The following VWA5B2 variants were observed in gnomAD, a reference collection of about 807,000 sequenced individuals.
VWA5B2 encodes the protein von Willebrand factor A domain-containing protein 5B2.
Under a neutral mutation model 118.5 loss-of-function variants are expected in VWA5B2, and 93 were observed. The observed-to-expected ratio is 0.79, with a 90% CI of 0.66 to 0.93. The LOEUF is 0.93. Among genes scored for constraint, VWA5B2 ranks in the 40% least tolerant of loss-of-function variants. The probability of loss-of-function intolerance (pLI) is 0.00; values close to 1 mark genes in which losing one functional copy is unlikely to be tolerated. For missense variants in VWA5B2, 1,546 were observed against 1,672.8 expected (o/e 0.92, Z 1.32); for synonymous variants, 708 against 716.3 (o/e 0.99, Z 0.19).
In VWA5B2 at chr3:184,235,313, GT is replaced by G. The variant is rs1253155157; in HGVS notation, c.1101+6del. 7.1e-6 allele frequency: 11 copies of G among 1,551,218 alleles called. No homozygotes were observed. The highest frequency in any genetic ancestry group is 9.6e-6 in the Non-Finnish European group (11 of 1,146,816). Reference sequence around the variant, plus strand: ...AGCAGCAGCGTGGCACACAAGGCCCGTGGGGGTGTGGTGTGGGCAGGCCTGG... The same window carrying G: ...AGCAGCAGCGTGGCACACAAGGCCCGGGGGGTGTGGTGTGGGCAGGCCTGG... On this transcript the variant is annotated splice_donor_region_variant and intron_variant, in intron 8 of 19. Coordinates refer to ENST00000691901, the MANE Select transcript of VWA5B2 (RefSeq NM_001390846.1).
In VWA5B2 at chr3:184,242,208, T is replaced by G. The variant is rs1462818177; in HGVS notation, c.*170T>G. 1.0e-5 allele frequency: 9 copies of G among 868,594 alleles called. No homozygotes were observed. Among genetic ancestry groups the G allele is most frequent in the African/African-American group, 1.7e-5 (1 of 59,768 alleles). The allele number at this position is 868,594 out of a possible 1,614,324, so 53.8% of individuals were successfully genotyped here. A position where few individuals can be genotyped will look rare whatever the true frequency, so the allele number is the denominator to read the frequency against. On this transcript the variant is annotated 3_prime_UTR_variant, in exon 20 of 20. Coordinates refer to ENST00000691901, the MANE Select transcript of VWA5B2 (RefSeq NM_001390846.1). ...TGCCCCCACAAAAAGTGCCTGCCTGTGCTCTCTCCCTCTCCTCCCACCCCA... is the reference window on the plus strand; with the variant it reads ...TGCCCCCACAAAAAGTGCCTGCCTGGGCTCTCTCCCTCTCCTCCCACCCCA...
rs1381531398 is a variant in VWA5B2, at chr3:184,236,161, G to T, written c.1111G>T (p.Val371Phe). ...SSSVAHKDAI[V>F]LAVKSLPPQT... ...CCCTGGCCCTCCACAGGATGCCATT[G>T]TTTTGGCTGTGAAGTCCCTCCCGCC... Residue 371 changes from valine (V) to phenylalanine (F), a missense_variant, in exon 9 of 20, where the codon GTT becomes TTT. This residue lies in a region of VWA5B2 where 775 missense variants were observed against 882.3 expected (regional missense o/e 0.88). Coordinates refer to ENST00000691901, the MANE Select transcript of VWA5B2 (RefSeq NM_001390846.1). 2 of 1,551,486 alleles carry T rather than the reference G, an allele frequency of 1.3e-6. No homozygotes were observed. Among genetic ancestry groups the T allele is most frequent in the Non-Finnish European group, 1.7e-6 (2 of 1,146,980 alleles).
intron 7 of VWA5B2, 156 bp downstream of exon 7, chr3:184,234,911 G>C (rs564174806): frequency 2.2e-5 from 27 of 1,252,580 alleles, no homozygotes; most frequent in Non-Finnish European, 2.9e-5. Flanking sequence ...GGACAGATGA[G>C]TATTGTCATT....
rs555899850 is a variant in VWA5B2, at chr3:184,237,449, G to A, written c.1719+38G>A. The A allele has an allele frequency of 5.7e-5, 86 of 1,522,102 alleles. 1 individual carries two copies. In the African/African-American group the frequency reaches 1.1e-3, roughly 20 times the overall value. 94.3% of individuals were successfully genotyped at this position (1,522,102 alleles called of 1,614,324 possible). A position where few individuals can be genotyped will look rare whatever the true frequency, so the allele number is the denominator to read the frequency against. ...TGGGGTGTGGTAGGGGGGCTAGGGT[G>A]AGGTAGGGGGGCCTGGGATGGCTGA... is the stretch of plus-strand genomic sequence containing the variant. On this transcript the variant is annotated intron_variant, in intron 12 of 19. Coordinates refer to ENST00000691901, the MANE Select transcript of VWA5B2 (RefSeq NM_001390846.1). This position sits in a 1 kb window ranked among gnomAD's most constrained non-coding sequence, Gnocchi z 5.6.
In VWA5B2 at chr3:184,233,068, G is replaced by T. The variant is rs779698528; in HGVS notation, c.311-110G>T. On this transcript the variant is annotated intron_variant, in intron 3 of 19. Transcript: ENST00000691901. The surrounding 1 kb of genome is among the most constrained non-coding windows in gnomAD (Gnocchi z 5.2). ...CAATGCATTAGCCTAGTGCCAACAC[G>T]CAAAGTCCCCCTTGCCCAGGCTCCC... The T allele has an allele frequency of 6.8e-5, 65 of 959,548 alleles. No individual in the cohort carries two copies. The highest frequency in any genetic ancestry group is 9.3e-5 in the Non-Finnish European group (60 of 642,090). The allele number at this position is 959,548 out of a possible 1,614,324, so 59.4% of individuals were successfully genotyped here.
rs1450661423 is a variant in VWA5B2 at position 184,237,384 on chromosome 3, G to A, written c.1692G>A (p.Val564=). The part of the protein sequence containing the change: ...QLLGYCSLFR[V]DGFRSRPPGG... Reference sequence around the variant, plus strand: ...TCGGTTACTGCTCACTCTTCAGGGTGGATGGCTTCCGGTCCCGCCCACCAG... The same window carrying A: ...TCGGTTACTGCTCACTCTTCAGGGTAGATGGCTTCCGGTCCCGCCCACCAG... The change falls in exon 12 of 20, where the codon GTG becomes GTA. Residue 564 remains valine, a synonymous_variant. Coordinates refer to ENST00000691901, the MANE Select transcript of VWA5B2 (RefSeq NM_001390846.1). This position sits in a 1 kb window ranked among gnomAD's most constrained non-coding sequence, Gnocchi z 5.6. The A allele has an allele frequency of 1.9e-6, 3 of 1,550,294 alleles. No individual in the cohort carries two copies.
Position 184,233,506 on chromosome 3 carries a change from G to A in VWA5B2, c.531-70G>A. The A allele has an allele frequency of 6.6e-7, 1 of 1,518,576 alleles. No homozygotes were observed. Among genetic ancestry groups the A allele is most frequent in the Non-Finnish European group, 8.9e-7 (1 of 1,129,786 alleles). 94.1% of individuals were successfully genotyped at this position (1,518,576 alleles called of 1,614,324 possible). A position where few individuals can be genotyped will look rare whatever the true frequency, so the allele number is the denominator to read the frequency against. ...GGGATGGGAAGGGTGAGGAAGGGCTGGGGCCAGTCAGCCGGAGGGTTTAGG... is the reference window on the plus strand; with the variant it reads ...GGGATGGGAAGGGTGAGGAAGGGCTAGGGCCAGTCAGCCGGAGGGTTTAGG... On this transcript the variant is annotated intron_variant, in intron 4 of 19. Transcript: ENST00000691901. This position sits in a 1 kb window ranked among gnomAD's most constrained non-coding sequence, Gnocchi z 5.2.
chr3:184,230,682 G>C lies in VWA5B2; in HGVS notation c.139+15G>C. ...GCCGGTGGACGGTGAGGCCCGGGTG[G>C]GGCGCGGGCGCGGCGGGGGGTGCGC... On this transcript the variant is annotated intron_variant, in intron 2 of 19. Transcript: ENST00000691901. 8.1e-7 allele frequency: 1 copy of C among 1,235,794 alleles called. No individual in the cohort carries two copies. The highest frequency in any genetic ancestry group is 3.5e-5 in the South Asian group (1 of 28,602). The allele number at this position is 1,235,794 out of a possible 1,614,324, so 76.6% of individuals were successfully genotyped here. A position where few individuals can be genotyped will look rare whatever the true frequency, so the allele number is the denominator to read the frequency against.
chr3:184,239,925 G>C lies in VWA5B2; in HGVS notation c.2629G>C (p.Val877Leu), dbSNP rs1259234210. The change falls in exon 16 of 20, where the codon GTA (valine) becomes CTA (leucine). Residue 877 changes from valine (V) to leucine (L), a missense_variant. This residue lies in a region of VWA5B2 where 763 missense variants were observed against 766.6 expected (regional missense o/e 1.00). Coordinates refer to ENST00000691901, the MANE Select transcript of VWA5B2 (RefSeq NM_001390846.1). The surrounding 1 kb of genome is among the most constrained non-coding windows in gnomAD (Gnocchi z 5.1). ...TGGCTCACAGCCTCCCTCACCTCCT[G>C]TAAGAGAAGCTGCTTGGGACCAAGC... ...GDGSQPPSPP[V>L]REAAWDQALH... 6.4e-7 allele frequency: 1 copy of C among 1,551,490 alleles called. No individual in the cohort carries two copies. Among genetic ancestry groups the C allele is most frequent in the Non-Finnish European group, 8.7e-7 (1 of 1,146,988 alleles).
chr3:184,240,458 C>T, intron 16 of VWA5B2: 1 of 411,680 alleles, frequency 2.4e-6, no homozygotes, highest in South Asian at 4.6e-5. Context: ...GTGGCTACCA[C>T]ATTGGATCAT....
At position 184,238,865 on chromosome 3, in the gene VWA5B2, C is replaced by T; in HGVS notation, c.2194C>T (p.Pro732Ser). 1 of 1,499,604 alleles carries T rather than the reference C, an allele frequency of 6.7e-7. No individual in the cohort carries two copies. Among genetic ancestry groups the T allele is most frequent in the Non-Finnish European group, 9.0e-7 (1 of 1,115,910 alleles). The allele number at this position is 1,499,604 out of a possible 1,614,324, so 92.9% of individuals were successfully genotyped here. The change falls in exon 14 of 20, where the codon CCA becomes TCA. Residue 732 changes from proline (P) to serine (S), a missense_variant. By Grantham distance (74) the Pro-to-Ser change is moderately conservative. Around this residue, in one of 3 missense-constraint regions of VWA5B2, gnomAD observed 763 missense variants for 766.6 expected, o/e 1.00. Transcript: ENST00000691901. The surrounding 1 kb of genome is among the most constrained non-coding windows in gnomAD (Gnocchi z 5.0). ...SCPLPAPTPAPFKVGALSTEV... is the reference protein window; with the variant it reads ...SCPLPAPTPASFKVGALSTEV... ...TCCCCTGCCTGCACCCACACCAGCT[C>T]CATTCAAGGTGAGATCCAACCCACA...
In VWA5B2 at chr3:184,238,157, C is replaced by T. The variant is rs1368682694; in HGVS notation, c.1720-146C>T. Reference sequence around the variant, plus strand: ...CAGCTCTATTAACCCTTACAGTGAACATGTCTGCTTCCTCCTTCTTTAGTA... The same window carrying T: ...CAGCTCTATTAACCCTTACAGTGAATATGTCTGCTTCCTCCTTCTTTAGTA... On this transcript the variant is annotated intron_variant, in intron 12 of 19. Coordinates refer to ENST00000691901, the MANE Select transcript of VWA5B2 (RefSeq NM_001390846.1). The surrounding 1 kb of genome is among the most constrained non-coding windows in gnomAD (Gnocchi z 5.0). 2 of 711,652 alleles carry T rather than the reference C, an allele frequency of 2.8e-6. No individual in the cohort carries two copies. Among genetic ancestry groups the T allele is most frequent in the Non-Finnish European group, 4.4e-6 (2 of 454,322 alleles). 44.1% of individuals were successfully genotyped at this position (711,652 alleles called of 1,614,324 possible).
Position 184,239,243 on chromosome 3 carries a change from C to T in VWA5B2, c.2203-151C>T. 6.1e-6 allele frequency: 5 copies of T among 818,846 alleles called. No individual in the cohort carries two copies. Among genetic ancestry groups the T allele is most frequent in the Non-Finnish European group, 9.0e-6 (5 of 554,680 alleles). 50.7% of individuals were successfully genotyped at this position (818,846 alleles called of 1,614,324 possible). The stretch of plus-strand genomic sequence containing the variant: ...GGGAAGGGGCCAAGGCCAGAGGTCA[C>T]TGTAGGCCATAAGGAACTTGGCCTT... On this transcript the variant is annotated intron_variant, in intron 14 of 19. Transcript: ENST00000691901. The surrounding 1 kb of genome is among the most constrained non-coding windows in gnomAD (Gnocchi z 5.1).
chr3:184,230,404 C>A lies in VWA5B2; in HGVS notation c.-125C>A. 1 of 1,195,258 alleles carries A rather than the reference C, an allele frequency of 8.4e-7. No individual in the cohort carries two copies. Among genetic ancestry groups the A allele is most frequent in the Middle Eastern group, 3.1e-4 (1 of 3,184 alleles). 74.0% of individuals were successfully genotyped at this position (1,195,258 alleles called of 1,614,324 possible). ...GGAGCTCCCGCTCGGCCTCGCGCCC[C>A]GGCAGGCCCCGTCCGGGTGCTGGAG... On this transcript the variant is annotated 5_prime_UTR_variant, in exon 2 of 20. Transcript: ENST00000691901.
chr3:184,234,452 G>T (rs1227912465), intron 6 of VWA5B2, 55 bp downstream of exon 6: 10 of 1,545,144 alleles, frequency 6.5e-6, no homozygotes, highest in Non-Finnish European at 8.8e-6. Flanking sequence ...ACATGAATGG[G>T]GGAAGCATTT....
Position 184,242,045 on chromosome 3 carries a change from C to A in VWA5B2, c.*7C>A. The A allele has an allele frequency of 1.3e-6, 2 of 1,547,990 alleles. No individual in the cohort carries two copies. Among genetic ancestry groups the A allele is most frequent in the Non-Finnish European group, 1.7e-6 (2 of 1,146,862 alleles). Reference sequence around the variant, plus strand: ...CAGCCCAGCGAACGTGTGAAGGCTGCCCCCTGCTGCTTGGGCTGGCGCCCC... The same window carrying A: ...CAGCCCAGCGAACGTGTGAAGGCTGACCCCTGCTGCTTGGGCTGGCGCCCC... On this transcript the variant is annotated 3_prime_UTR_variant, in exon 20 of 20. Coordinates refer to ENST00000691901, the MANE Select transcript of VWA5B2 (RefSeq NM_001390846.1).
chr3:184,230,882 G>A lies in VWA5B2; in HGVS notation c.275G>A (p.Gly92Glu). 1 of 1,226,594 alleles carries A rather than the reference G, an allele frequency of 8.2e-7. No homozygotes were observed. The highest frequency in any genetic ancestry group is 1.6e-5 in the African/African-American group (1 of 63,686). The allele number at this position is 1,226,594 out of a possible 1,614,324, so 76.0% of individuals were successfully genotyped here. A position where few individuals can be genotyped will look rare whatever the true frequency, so the allele number is the denominator to read the frequency against. The change falls in exon 3 of 20, where the codon GGG (glycine) becomes GAG (glutamate). Residue 92 changes from glycine (G) to glutamate (E), a missense_variant. Physicochemically the swap from Gly to Glu is moderately conservative, Grantham distance 98. Coordinates refer to ENST00000691901, the MANE Select transcript of VWA5B2 (RefSeq NM_001390846.1). ...QAACCRALGP[G>E]LGTPTPRRCA... ...GCCTGCTGCCGCGCTCTGGGCCCGG[G>A]GCTGGGGACCCCGACGCCCCGCCGC... is the stretch of plus-strand genomic sequence containing the variant.
In VWA5B2 at chr3:184,239,056, A is replaced by G. The variant is rs1476980836; in HGVS notation, c.2202+183A>G. 2.0e-5 allele frequency among the ~76,000 whole-genome samples: 3 copies of G among 152,258 alleles called. No homozygotes were observed. The highest frequency in any genetic ancestry group is 2.0e-4 in the Admixed American group (3 of 15,288). The stretch of plus-strand genomic sequence containing the variant: ...AAGGACATGTATTAAGGGGGCTTAA[A>G]GTCAGGGTGACTAATTCTGCCTGAG... On this transcript the variant is annotated intron_variant, in intron 14 of 19. Coordinates refer to ENST00000691901, the MANE Select transcript of VWA5B2 (RefSeq NM_001390846.1). This position sits in a 1 kb window ranked among gnomAD's most constrained non-coding sequence, Gnocchi z 5.1.
At position 184,242,022 on chromosome 3, in the gene VWA5B2, G is replaced by A. The variant is rs1718778179; in HGVS notation, c.3713G>A (p.Ser1238Asn). The change falls in exon 20 of 20, where the codon AGC becomes AAC. Residue 1238 changes from serine to asparagine, a missense_variant. Transcript: ENST00000691901. Reference protein sequence around the residue: ...QNLQLHLLCYSPANV With the variant: ...QNLQLHLLCYNPANV ...CTGCAGCTACACCTGCTGTGCTACA[G>A]CCCAGCGAACGTGTGAAGGCTGCCC... 4 of 1,549,746 alleles carry A rather than the reference G, an allele frequency of 2.6e-6. No homozygotes were observed. The highest frequency in any genetic ancestry group is 3.5e-6 in the Non-Finnish European group (4 of 1,146,956).
Sources: gnomAD v4.1 joint callset for allele counts (sites outside exome capture counted in the v4.1 genomes callset) on GRCh38, gnomAD v4.1.1 for gene constraint, gnomAD v4.1.1 regional missense constraint, Gnocchi (gnomAD v3.1) non-coding constraint, MANE v1.5 for transcripts, NCBI Gene and HGNC (gene_info 2026-07-23, HGNC 2026-07-21) for gene names.